CATSPERE: variants seen among roughly 807,000 people sequenced by gnomAD.
CATSPERE encodes the protein cation channel sperm-associated auxiliary subunit epsilon.
CATSPERE carries 93 observed loss-of-function variants against 114.1 expected under a neutral mutation model. The ratio of observed to expected loss-of-function variants is 0.81; its 90% confidence interval spans 0.69 to 0.97. The LOEUF (loss-of-function observed/expected upper bound fraction) is 0.97. CATSPERE is among the 50% of genes least tolerant of loss of function. CATSPERE has a pLI of 0.00. For missense variants in CATSPERE, 1,058 were observed against 1,131.6 expected (o/e 0.93, Z 0.93); for synonymous variants, 341 against 384.1 (o/e 0.89, Z 1.31).
chr1:244,553,348 T>G (rs1485416242), intron 9 of CATSPERE, among the ~76,000 whole-genome samples: 5 of 151,638 alleles, frequency 3.3e-5, no homozygotes, highest in Non-Finnish European at 5.9e-5. Context: ...GATCACAATG[T>G]CAGGAGATGG....
chr1:244,491,037 G>A (rs1020222889), intron 6 of CATSPERE, among the ~76,000 whole-genome samples: 33 of 152,072 alleles, frequency 2.2e-4, no homozygotes, highest in Admixed American at 7.9e-4. Flanking sequence ...ACAGATCAAC[G>A]AGACAGAAAG....
chr1:244,567,403 G>A lies in CATSPERE; in HGVS notation c.1508-4927G>A, dbSNP rs553715860. Among the ~76,000 whole-genome samples the A allele has an allele frequency of 7.7e-4, 117 of 152,246 alleles. 1 individual carries two copies. The highest frequency in any genetic ancestry group is 2.7e-3 in the African/African-American group (113 of 41,550). ...TTTGAATGTTGGCCTGTCTTGTTAGGTTGGGGAACTTCTCCTGGATAGTAT... is the reference window on the plus strand; with the variant it reads ...TTTGAATGTTGGCCTGTCTTGTTAGATTGGGGAACTTCTCCTGGATAGTAT... On this transcript the variant is annotated intron_variant, in intron 10 of 21. Transcript: ENST00000366534.
chr1:244,552,509 T>C lies in CATSPERE; in HGVS notation c.724T>C (p.Ser242Pro), dbSNP rs1432530014. The change falls in exon 9 of 22, where the codon TCC (serine) becomes CCC (proline). Residue 242 changes from serine to proline, a missense_variant. By Grantham distance (74) the Ser-to-Pro change is moderately conservative (BLOSUM62 -1). Coordinates refer to ENST00000366534, the MANE Select transcript of CATSPERE (RefSeq NM_001130957.2). ...ACCACGTGGTAGTCAATTAATGGCT[T>C]CCTGGGATGCTTGTGTAGTTGCATC... is the stretch of plus-strand genomic sequence containing the variant. ...SSPRGSQLMA[S>P]WDACVVASAV... The C allele has an allele frequency of 1.9e-6, 3 of 1,614,092 alleles. No homozygotes were observed. The highest frequency in any genetic ancestry group is 2.7e-5 in the African/African-American group (2 of 74,934).
intron 7 of CATSPERE, among the ~76,000 whole-genome samples, chr1:244,500,853 T>G (rs1048547122): frequency 4.6e-5 from 7 of 152,200 alleles, no homozygotes; most frequent in African/African-American, 1.4e-4. Flanking sequence ...CATATGAAAT[T>G]TAAAGTAGTT....
intron 8 of CATSPERE, among the ~76,000 whole-genome samples, chr1:244,528,785 C>CCACGCACGCGCG (rs1553342506): frequency 7.7e-6 from 1 of 130,536 alleles, no homozygotes; most frequent in African/African-American, 3.0e-5. Flanking sequence ...CAATCCCCCA[C>CCACGCACGCGCG]CACACACACA....
chr1:244,527,309 G>A (rs192215251), intron 8 of CATSPERE, among the ~76,000 whole-genome samples: 5 of 152,256 alleles, frequency 3.3e-5, no homozygotes, highest in East Asian at 1.9e-4. Context: ...CCTCAGGGAC[G>A]CATTCTCTTT....
At chr1:244,589,919 A>T (rs1667510303) in intron 14 of CATSPERE, among the ~76,000 whole-genome samples, 1 of 152,056 alleles carries the variant, frequency 6.6e-6, no homozygotes, top group Admixed American at 6.5e-5. Flanking sequence ...GAACCCTAAA[A>T]ACTCTAATAT....
At position 244,568,237 on chromosome 1, in the gene CATSPERE, G is replaced by A. The variant is rs1011699228; in HGVS notation, c.1508-4093G>A. 1.3e-5 allele frequency among the ~76,000 whole-genome samples: 2 copies of A among 152,104 alleles called. No individual in the cohort carries two copies. Among genetic ancestry groups the A allele is most frequent in the Admixed American group, 6.5e-5 (1 of 15,282 alleles). The stretch of plus-strand genomic sequence containing the variant: ...GAAGCTTTGTCCCAGAGGGGCACCC[G>A]CCAGATGCCAGCCAGAGCTCTTCTG... On this transcript the variant is annotated intron_variant, in intron 10 of 21. Coordinates refer to ENST00000366534, the MANE Select transcript of CATSPERE (RefSeq NM_001130957.2). The surrounding 1 kb of genome is among the most constrained non-coding windows in gnomAD (Gnocchi z 4.4).
intron 21 of CATSPERE, among the ~76,000 whole-genome samples, chr1:244,637,268 C>T (rs1674747343): frequency 6.6e-6 from 1 of 152,172 alleles, no homozygotes; most frequent in South Asian, 2.1e-4. Context: ...ACCATGTCCT[C>T]CCCACAGTCT....
chr1:244,562,096 G>A (rs1662646943), intron 10 of CATSPERE, among the ~76,000 whole-genome samples: 1 of 138,172 alleles, frequency 7.2e-6, no homozygotes, highest in Non-Finnish European at 1.5e-5. Flanking sequence ...AGGCTGCAGT[G>A]AGCCATGTTC....
intron 8 of CATSPERE, among the ~76,000 whole-genome samples, chr1:244,520,005 A>T (rs1009996942): frequency 3.4e-5 from 5 of 149,086 alleles, no homozygotes; most frequent in African/African-American, 1.3e-4. Flanking sequence ...CACCATGACT[A>T]GCCCTAAGAG....
At chr1:244,492,230 A>C (rs1414207376) in intron 6 of CATSPERE, among the ~76,000 whole-genome samples, 1 of 151,996 alleles carries the variant, frequency 6.6e-6, no homozygotes, top group Non-Finnish European at 1.5e-5. Flanking sequence ...GCAGCACATC[A>C]AAAAGCTTAT....
chr1:244,613,922 T>C (rs1448792316), intron 19 of CATSPERE, among the ~76,000 whole-genome samples: 2 of 152,126 alleles, frequency 1.3e-5, no homozygotes, highest in Non-Finnish European at 2.9e-5. Flanking sequence ...AATGGGATAA[T>C]GGATTTGTGG....
At chr1:244,483,907 T>G (rs1447123642) in intron 5 of CATSPERE, among the ~76,000 whole-genome samples, 1 of 152,188 alleles carries the variant, frequency 6.6e-6, no homozygotes, top group Non-Finnish European at 1.5e-5. Flanking sequence ...GGATTTCTCC[T>G]ATATTGTTTT....
upstream of CATSPERE, among the ~76,000 whole-genome samples, chr1:244,452,634 T>C (rs760249253): frequency 2.0e-5 from 3 of 152,226 alleles, no homozygotes; most frequent in African/African-American, 4.8e-5. Flanking sequence ...ATAGTACATA[T>C]ATGCAGATAC....
intron 6 of CATSPERE, among the ~76,000 whole-genome samples, chr1:244,498,624 G>A (rs1354953579): frequency 5.3e-5 from 8 of 152,176 alleles, no homozygotes; most frequent in East Asian, 1.9e-4. Flanking sequence ...TGGGCTGGGC[G>A]TGGTGGCTCA....
intron 7 of CATSPERE, among the ~76,000 whole-genome samples, chr1:244,511,291 T>A (rs1675717369): frequency 6.6e-6 from 1 of 152,226 alleles, no homozygotes; most frequent in Admixed American, 6.5e-5. Context: ...CTGCTCACTT[T>A]GACTCCATTT....
In CATSPERE at chr1:244,560,832, A is replaced by C. The variant is rs757004299; in HGVS notation, c.1194A>C (p.Gly398=). The C allele has an allele frequency of 6.2e-7, 1 of 1,614,098 alleles. No individual in the cohort carries two copies. Among genetic ancestry groups the C allele is most frequent in the Non-Finnish European group, 8.5e-7 (1 of 1,179,992 alleles). ...CCATAGACAGGGTTGAGTATACAGG[A>C]CACCCTCTGGAGATTGCTGTGTTTT... is the stretch of plus-strand genomic sequence containing the variant. ...TLTIDRVEYT[G]HPLEIAVFLN... is the part of the protein sequence containing the mutation. Residue 398 remains glycine, a synonymous_variant, in exon 10 of 22, where the codon GGA becomes GGC. Transcript: ENST00000366534.
chr1:244,596,222 T>G (rs1249453570), intron 17 of CATSPERE, among the ~76,000 whole-genome samples: 1 of 152,208 alleles, frequency 6.6e-6, no homozygotes, highest in African/African-American at 2.4e-5. Context: ...TCAGAAGTTT[T>G]CATATATGGT....
Sources: allele counts gnomAD v4.1 joint callset (sites outside exome capture counted in the v4.1 genomes callset), GRCh38; gene constraint gnomAD v4.1.1; non-coding constraint Gnocchi (gnomAD v3.1); transcripts MANE v1.5; gene names NCBI Gene and HGNC (gene_info 2026-07-23, HGNC 2026-07-21).